ETV6: variants seen among roughly 807,000 people sequenced by gnomAD.
ETV6 encodes the protein ETS variant transcription factor 6.
In ETV6, 16 loss-of-function variants were observed where a neutral mutation model predicts 51.1. The ratio of observed to expected loss-of-function variants is 0.31; its 90% CI spans 0.21 to 0.48. The LOEUF (loss-of-function observed/expected upper bound fraction) is 0.48, where lower values mean the gene tolerates loss of function less well. Ranked by LOEUF, ETV6 falls within the 20% of genes least tolerant of loss-of-function variation. The pLI is 0.99. For missense variants in ETV6, 458 were observed against 594.8 expected (o/e 0.77, Z 2.39); for synonymous variants, 240 against 224.1 (o/e 1.07, Z -0.64).
At chr12:11,773,308 CAT>C (rs369228066) in intron 2 of ETV6, among the ~76,000 whole-genome samples, 24 of 149,382 alleles carry the variant, frequency 1.6e-4, no homozygotes, top group Non-Finnish European at 2.7e-4. Context: ...CTCAAAGAGC[CAT>C]ATATATATAT....
chr12:11,884,633 A>T lies in ETV6; in HGVS notation c.1152+46A>T, dbSNP rs200376453. The T allele has an allele frequency of 1.4e-5, 22 of 1,609,128 alleles. No individual in the cohort carries two copies. In the African/African-American group the frequency reaches 2.4e-4, roughly 18 times the overall value. ...TGCTCCATAAACTAGTGCCAAAATG[A>T]AGTCCTTATCCCTGGATTGGAGGAT... On this transcript the variant is annotated intron_variant, in intron 6 of 7. Transcript: ENST00000396373.
At chr12:11,665,049 G>C (rs373062841) in intron 1 of ETV6, among the ~76,000 whole-genome samples, 7 of 152,128 alleles carry the variant, frequency 4.6e-5, no homozygotes, top group African/African-American at 1.7e-4. Flanking sequence ...ACATGGTCTC[G>C]CTCTGTGGCC....
rs569181747 is a variant in ETV6, at chr12:11,871,197, C to CTT, written c.1009+1245_1009+1246dup. On this transcript the variant is annotated intron_variant, in intron 5 of 7. Coordinates refer to ENST00000396373, the MANE Select transcript of ETV6 (RefSeq NM_001987.5). ...TTACTTCTGCCTTGAGGTACTGTCC[C>CTT]TTTTTTTTTTTTTTTTTTCCACACT... Among the ~76,000 whole-genome samples the CTT allele has an allele frequency of 3.2e-4, 44 of 138,258 alleles. 1 individual carries two copies. Among genetic ancestry groups the CTT allele is most frequent in the African/African-American group, 7.5e-4 (28 of 37,426 alleles). 90.7% of individuals were successfully genotyped at this position (138,258 alleles called of 152,430 possible).
intron 1 of ETV6, among the ~76,000 whole-genome samples, chr12:11,654,649 TAGG>T (rs928778290): frequency 6.6e-6 from 1 of 151,878 alleles, no homozygotes; most frequent in African/African-American, 2.4e-5. Context: ...GAGGAAGTAG[TAGG>T]AGGGAGGAGA....
intron 2 of ETV6, among the ~76,000 whole-genome samples, chr12:11,761,721 G>A (rs142075097): frequency 1.3e-5 from 2 of 152,314 alleles, no homozygotes; most frequent in East Asian, 1.9e-4. Flanking sequence ...CTGGTTCTAC[G>A]TGGCTGATTA....
chr12:11,752,419 C>G, intron 1 of ETV6, 31 bp from the exon 2 acceptor site: 1 of 1,595,460 alleles, frequency 6.3e-7, no homozygotes, highest in Non-Finnish European at 8.6e-7. Context: ...TCTCTCTCCC[C>G]CTCCCCTCTT....
At chr12:11,885,007 T>G (rs868020536) in intron 6 of ETV6, among the ~76,000 whole-genome samples, 14 of 152,206 alleles carry the variant, frequency 9.2e-5, no homozygotes, top group Non-Finnish European at 1.3e-4. Context: ...CATTTCTTTA[T>G]AGAAAATACT....
At chr12:11,862,841 T>C (rs1306625168) in intron 4 of ETV6, among the ~76,000 whole-genome samples, 1 of 152,020 alleles carries the variant, frequency 6.6e-6, no homozygotes, top group African/African-American at 2.4e-5. Context: ...AGACCGGGAG[T>C]GGTATATGAA....
intron 2 of ETV6, among the ~76,000 whole-genome samples, chr12:11,812,707 T>C (rs1945932296): frequency 6.6e-6 from 1 of 152,174 alleles, no homozygotes; most frequent in Admixed American, 6.5e-5. Flanking sequence ...TACACATTCC[T>C]AGGACTGTAA....
chr12:11,685,658 A>G (rs1168095866), intron 1 of ETV6, among the ~76,000 whole-genome samples: 2 of 152,210 alleles, frequency 1.3e-5, no homozygotes, highest in Admixed American at 6.5e-5. Flanking sequence ...GATAGGAAGA[A>G]GAGAGGATGC....
At chr12:11,672,455 A>G (rs1001603254) in intron 1 of ETV6, among the ~76,000 whole-genome samples, 1 of 152,176 alleles carries the variant, frequency 6.6e-6, no homozygotes, top group Non-Finnish European at 1.5e-5. Flanking sequence ...CGTGAAGGTG[A>G]TTTACGCTCT....
intron 1 of ETV6, among the ~76,000 whole-genome samples, chr12:11,651,471 T>C (rs1040094834): frequency 1.3e-5 from 2 of 152,190 alleles, no homozygotes; most frequent in Non-Finnish European, 2.9e-5. Flanking sequence ...TAATGTGAAA[T>C]CAAAAGGTGG....
At chr12:11,762,318 C>T (rs1195830619) in intron 2 of ETV6, among the ~76,000 whole-genome samples, 15 of 152,242 alleles carry the variant, frequency 9.9e-5, no homozygotes, top group Admixed American at 9.8e-4. Context: ...GGTGTGGCTT[C>T]TGCTAACTAT....
intron 1 of ETV6, among the ~76,000 whole-genome samples, chr12:11,651,933 G>A (rs1210002405): frequency 6.6e-6 from 1 of 152,292 alleles, no homozygotes; most frequent in East Asian, 1.9e-4. Flanking sequence ...TGTGCTGGCT[G>A]CAGACTGCTA....
intron 1 of ETV6, among the ~76,000 whole-genome samples, chr12:11,690,616 C>T (rs1013195023): frequency 1.4e-4 from 21 of 151,910 alleles, no homozygotes; most frequent in Non-Finnish European, 2.8e-4. Context: ...GGGCTGGGCA[C>T]GGTGGCTCAT....
chr12:11,828,677 G>T (rs1319569805), intron 2 of ETV6, among the ~76,000 whole-genome samples: 1 of 152,148 alleles, frequency 6.6e-6, no homozygotes, highest in African/African-American at 2.4e-5. Context: ...TTGAAGGGGG[G>T]TTTGTTTATG....
At chr12:11,805,464 A>G (rs899707664) in intron 2 of ETV6, among the ~76,000 whole-genome samples, 1 of 152,296 alleles carries the variant, frequency 6.6e-6, no homozygotes, top group South Asian at 2.1e-4. Context: ...ATGTAGTTAC[A>G]TGTGGAGGTA....
At chr12:11,840,592 A>G (rs1455990892) in intron 3 of ETV6, 5 of 446,122 alleles carry the variant, frequency 1.1e-5, no homozygotes, top group Admixed American at 9.6e-5. Flanking sequence ...GTCATGAGGA[A>G]ACGTCCCTCA....
chr12:11,696,448 G>A (rs1864880542), intron 1 of ETV6, among the ~76,000 whole-genome samples: 1 of 152,164 alleles, frequency 6.6e-6, no homozygotes, highest in African/African-American at 2.4e-5. Flanking sequence ...CCTACTTCAT[G>A]GAGTTGCAAT....
Sources: allele counts gnomAD v4.1 joint callset (sites outside exome capture counted in the v4.1 genomes callset), GRCh38; gene constraint gnomAD v4.1.1; transcripts MANE v1.5; gene names NCBI Gene and HGNC (gene_info 2026-07-23, HGNC 2026-07-21).